The following FAF1 variants were observed in gnomAD, a reference collection of about 807,000 sequenced individuals.
The protein encoded by FAF1 is FAS-associated factor 1.
In FAF1, 25 loss-of-function variants were observed where a neutral mutation model predicts 92.5. The ratio of observed to expected loss-of-function variants is 0.27; its 90% CI spans 0.20 to 0.38. The LOEUF is 0.38. Among genes scored for constraint, FAF1 ranks in the 10% least tolerant of loss-of-function variants. The pLI is 1.00. For synonymous variants in FAF1, 234 were observed against 273.2 expected (o/e 0.86, Z 1.42); for missense variants, 636 against 793.3 (o/e 0.80, Z 2.38).
At chr1:50,696,035 G>A (rs1657203795) in intron 7 of FAF1, among the ~76,000 whole-genome samples, 1 of 150,336 alleles carries the variant, frequency 6.7e-6, no homozygotes, top group Non-Finnish European at 1.5e-5. Context: ...TTCTCCACAT[G>A]GACAACTTGA....
chr1:50,682,615 T>C (rs1023579647), intron 7 of FAF1, among the ~76,000 whole-genome samples: 1 of 152,236 alleles, frequency 6.6e-6, no homozygotes, highest in Non-Finnish European at 1.5e-5. Flanking sequence ...CTGATTAGCC[T>C]ACTTACCTCC....
chr1:50,461,325 C>T (rs1197266827), intron 18 of FAF1: 2 of 152,104 alleles, frequency 1.3e-5, no homozygotes, highest in African/African-American at 4.8e-5. Flanking sequence ...TCAAGTCTGC[C>T]AGGATGATCT....
chr1:50,651,849 CAGTTTTATG>C (rs1485316454), intron 8 of FAF1, among the ~76,000 whole-genome samples: 3 of 152,066 alleles, frequency 2.0e-5, no homozygotes, highest in Non-Finnish European at 4.4e-5. Flanking sequence ...CTACAAGTAC[CAGTTTTATG>C]AGTTTTTATA....
intron 2 of FAF1, among the ~76,000 whole-genome samples, chr1:50,816,560 C>T (rs1314218913): frequency 6.6e-6 from 1 of 152,046 alleles, no homozygotes; most frequent in African/African-American, 2.4e-5. Context: ...TTTTTAAGTC[C>T]TTTGTAAATC....
At chr1:50,551,201 A>G (rs1490390311) in intron 13 of FAF1, among the ~76,000 whole-genome samples, 3 of 152,190 alleles carry the variant, frequency 2.0e-5, no homozygotes. Context: ...AAGGAGGCAA[A>G]CTGTAAATGC....
At chr1:50,917,953 A>G (rs1644932831) in intron 1 of FAF1, among the ~76,000 whole-genome samples, 1 of 152,182 alleles carries the variant, frequency 6.6e-6, no homozygotes, top group African/African-American at 2.4e-5. Flanking sequence ...ATAACAGGCA[A>G]ACGTAATCTA....
chr1:50,713,369 G>T (rs1658028780), intron 6 of FAF1, among the ~76,000 whole-genome samples: 1 of 151,870 alleles, frequency 6.6e-6, no homozygotes, highest in Non-Finnish European at 1.5e-5. Flanking sequence ...CGCCTCCCAG[G>T]ATCAAGCGAT....
At chr1:50,957,142 G>A (rs116613651) in intron 1 of FAF1, among the ~76,000 whole-genome samples, 1,979 of 152,166 alleles carry the variant, frequency 0.013, 43 homozygotes, top group African/African-American at 0.044. Flanking sequence ...TTTAAGGTGT[G>A]TAGTTTTCCA....
intron 10 of FAF1, among the ~76,000 whole-genome samples, 193 bp downstream of exon 10, chr1:50,584,492 A>T (rs1189695942): frequency 6.6e-6 from 1 of 152,130 alleles, no homozygotes; most frequent in African/African-American, 2.4e-5. Flanking sequence ...TTCCTAATGC[A>T]CTGAGAATTT....
intron 8 of FAF1, among the ~76,000 whole-genome samples, chr1:50,601,856 AC>A (rs1217165957): frequency 6.6e-6 from 1 of 151,864 alleles, no homozygotes; most frequent in Non-Finnish European, 1.5e-5. Flanking sequence ...CCAAATTTTA[AC>A]CCTCCCCAAA....
chr1:50,455,800 T>G (rs1018372183), intron 18 of FAF1, among the ~76,000 whole-genome samples: 6 of 152,186 alleles, frequency 3.9e-5, no homozygotes, highest in African/African-American at 1.4e-4. Context: ...CTGCACTACA[T>G]TCTTCTCACT....
intron 18 of FAF1, among the ~76,000 whole-genome samples, chr1:50,454,165 G>T (rs1262003561): frequency 6.6e-6 from 1 of 152,224 alleles, no homozygotes; most frequent in African/African-American, 2.4e-5. Flanking sequence ...CGAACAGGGG[G>T]TAGGGGCTTG....
At chr1:50,666,763 A>C (rs896621853) in intron 7 of FAF1, among the ~76,000 whole-genome samples, 2 of 152,086 alleles carry the variant, frequency 1.3e-5, no homozygotes, top group African/African-American at 4.8e-5. Flanking sequence ...CACATCTGTA[A>C]TCCCAGCTAC....
chr1:50,798,071 TAA>T (rs1291516386), intron 3 of FAF1, among the ~76,000 whole-genome samples: 2 of 135,750 alleles, frequency 1.5e-5, no homozygotes, highest in Admixed American at 7.5e-5. Context: ...GGCACCTCCT[TAA>T]AAAAAAAAAA....
chr1:50,846,602 G>A, intron 2 of FAF1: 1 of 532,066 alleles, frequency 1.9e-6, no homozygotes, highest in Non-Finnish European at 3.7e-6. Context: ...GGGTGAGTGA[G>A]CGCTTCCTTG....
At chr1:50,541,701 A>G (rs1481608357) in intron 13 of FAF1, among the ~76,000 whole-genome samples, 5 of 152,086 alleles carry the variant, frequency 3.3e-5, no homozygotes, top group Non-Finnish European at 1.5e-5. Flanking sequence ...AAGTACTAGT[A>G]CTAGCTAAAC....
At chr1:50,707,584 C>T (rs1009768675) in intron 6 of FAF1, among the ~76,000 whole-genome samples, 5 of 151,806 alleles carry the variant, frequency 3.3e-5, no homozygotes, top group African/African-American at 1.2e-4. Context: ...CTCCCAGCTA[C>T]TCGGGAGGCT....
At chr1:50,622,172 A>T (rs1268653163) in intron 8 of FAF1, among the ~76,000 whole-genome samples, 24 of 151,728 alleles carry the variant, frequency 1.6e-4, no homozygotes, top group East Asian at 1.5e-3. Flanking sequence ...CTCAAAAAAA[A>T]AAAAATAAAA....
At chr1:50,739,024 T>A in intron 5 of FAF1, 70 bp from the exon 6 acceptor site, 2 of 1,002,388 alleles carry the variant, frequency 2.0e-6, no homozygotes, top group East Asian at 2.6e-5. Context: ...TTTCCTGTAA[T>A]TCTTGAAAAA....
Sources: gnomAD v4.1 joint callset for allele counts (sites outside exome capture counted in the v4.1 genomes callset) on GRCh38, gnomAD v4.1.1 for gene constraint, MANE v1.5 for transcripts, NCBI Gene and HGNC (gene_info 2026-07-23, HGNC 2026-07-21) for gene names.